DZANK1: variants seen among roughly 807,000 people sequenced by gnomAD.
The protein encoded by DZANK1 is double zinc ribbon and ankyrin repeat-containing protein 1.
In DZANK1, 91 loss-of-function variants were observed where a neutral mutation model predicts 94.5. The ratio of observed to expected loss-of-function variants is 0.96; its 90% CI spans 0.81 to 1.15. The LOEUF (loss-of-function observed/expected upper bound fraction) is 1.15, where lower values mean the gene tolerates loss of function less well. DZANK1 is among the 50% of genes most tolerant of loss of function. DZANK1 has a pLI of 0.00. For synonymous variants in DZANK1, 312 were observed against 325.3 expected (o/e 0.96, Z 0.44); for missense variants, 903 against 916.4 (o/e 0.99, Z 0.19).
In DZANK1 at chr20:18,398,622, G is replaced by T; in HGVS notation, c.1437C>A (p.Tyr479Ter). 6.2e-7 allele frequency: 1 copy of T among 1,613,860 alleles called. No homozygotes were observed. Among genetic ancestry groups the T allele is most frequent in the Non-Finnish European group, 8.5e-7 (1 of 1,179,786 alleles). The stretch of plus-strand genomic sequence containing the variant: ...AGATGTGATCCAGCTGTCTTCTCCA[G>T]TACCCTAAGAAAGAAGAGAAACCCC... The change falls in exon 14 of 21, where the codon TAC becomes TAA. Residue 479 changes from tyrosine to a stop codon, truncating the protein, a stop_gained. Coordinates refer to ENST00000262547, the Ensembl canonical transcript of DZANK1. LOFTEE classifies it high-confidence loss of function.
At chr20:18,465,847 G>C (rs537599136) in intron 1 of DZANK1, among the ~76,000 whole-genome samples, 1 of 152,172 alleles carries the variant, frequency 6.6e-6, no homozygotes, top group Non-Finnish European at 1.5e-5. Flanking sequence ...GGAAAGCTCC[G>C]GGTTCACAGC....
At chr20:18,387,768 A>G (rs2048595254) in intron 19 of DZANK1, among the ~76,000 whole-genome samples, 1 of 152,248 alleles carries the variant, frequency 6.6e-6, no homozygotes, top group Non-Finnish European at 1.5e-5. Flanking sequence ...ACATGGAACT[A>G]GGAAATTAGG....
intron 17 of DZANK1, among the ~76,000 whole-genome samples, chr20:18,391,951 G>A (rs1236731571): frequency 1.3e-5 from 2 of 152,248 alleles, no homozygotes; most frequent in East Asian, 1.9e-4. Flanking sequence ...TCATGGAAAT[G>A]TGTACTAGAA....
intron 13 of DZANK1, among the ~76,000 whole-genome samples, chr20:18,409,528 A>G (rs979266785): frequency 6.7e-6 from 1 of 149,760 alleles, no homozygotes; most frequent in Non-Finnish European, 1.5e-5. Flanking sequence ...CTGAAAGCAC[A>G]TGACCCTAGA....
rs535945053 is a variant in DZANK1 at position 18,441,082 on chromosome 20, A to G, written c.747+2265T>C. Among the ~76,000 whole-genome samples, 1 of 152,170 alleles carries G rather than the reference A, an allele frequency of 6.6e-6. No homozygotes were observed. Among genetic ancestry groups the G allele is most frequent in the Non-Finnish European group, 1.5e-5 (1 of 68,026 alleles). ...TCGTTTTCTTTCTGTGAATGCTCCC[A>G]TGGACTCAGGAGAATACATCCTCCA... On this transcript the variant is annotated intron_variant, in intron 8 of 20. Coordinates refer to ENST00000262547, the Ensembl canonical transcript of DZANK1. The surrounding 1 kb of genome is among the most constrained non-coding windows in gnomAD (Gnocchi z 4.1).
Position 18,384,579 on chromosome 20 carries a change from G to C in DZANK1, c.2094-15C>G. On this transcript the variant is annotated splice_polypyrimidine_tract_variant and intron_variant, in intron 20 of 20. Coordinates refer to ENST00000262547, the Ensembl canonical transcript of DZANK1. ...TTGCATTGCATCTGCAAAGGAAATG[G>C]AGAAACGGAGGTGCACTGAAGGACT... 1 of 1,583,788 alleles carries C rather than the reference G, an allele frequency of 6.3e-7. No individual in the cohort carries two copies. Among genetic ancestry groups the C allele is most frequent in the East Asian group, 2.3e-5 (1 of 44,250 alleles).
chr20:18,466,421 T>A (rs1456010077), intron 1 of DZANK1, among the ~76,000 whole-genome samples: 1 of 152,180 alleles, frequency 6.6e-6, no homozygotes, highest in Non-Finnish European at 1.5e-5. Flanking sequence ...AAAAATGGGG[T>A]ACCTAAATTT....
At chr20:18,398,364 T>G in intron 14 of DZANK1, 159 bp downstream of exon 14, 2 of 633,498 alleles carry the variant, frequency 3.2e-6, no homozygotes, top group Non-Finnish European at 5.6e-6. Flanking sequence ...AGTGATTTAT[T>G]AGAGCAGAGC....
exon 4 of DZANK1, chr20:18,455,292 A>G (rs2059247143): frequency 1.2e-6 from 2 of 1,609,626 alleles, no homozygotes; most frequent in South Asian, 2.2e-5. Flanking sequence ...TGTCTTCAGG[A>G]GAGACTATAT....
At chr20:18,401,327 AG>A (rs2056667032) in intron 13 of DZANK1, among the ~76,000 whole-genome samples, 1 of 152,216 alleles carries the variant, frequency 6.6e-6, no homozygotes, top group South Asian at 2.1e-4. Flanking sequence ...GGTCATTGTA[AG>A]ACTGTGAGTC....
At chr20:18,428,462 C>T (rs1448889700) in intron 9 of DZANK1, among the ~76,000 whole-genome samples, 1 of 152,130 alleles carries the variant, frequency 6.6e-6, no homozygotes, top group African/African-American at 2.4e-5. Context: ...GCTGGGATTA[C>T]AGGCGTGAGC....
chr20:18,455,271 A>G (rs778438409), exon 4 of DZANK1: 1 of 1,605,982 alleles, frequency 6.2e-7, no homozygotes. Context: ...CTTTGAGAAC[A>G]TTTTCAACAT....
intron 4 of DZANK1, chr20:18,454,068 G>T: frequency 1.7e-6 from 1 of 590,648 alleles, no homozygotes; most frequent in Non-Finnish European, 3.2e-6. Context: ...AAGGCAGGAG[G>T]CAGGGAGCAG....
At position 18,393,798 on chromosome 20, in the gene DZANK1, G is replaced by A. The variant is rs936439833; in HGVS notation, c.1722C>T (p.Ser574=). 3 of 1,610,794 alleles carry A rather than the reference G, an allele frequency of 1.9e-6. No homozygotes were observed. The African/African-American group carries it at 4.0e-5, about 22-fold the overall frequency. ...TTTCAATAGTATCTGAGGTACTCTG[G>A]CTGTAGTCACTCACTGAAATGACAC... The change falls in exon 17 of 21, where the codon AGC becomes AGT. Residue 574 remains serine, a synonymous_variant. Coordinates refer to ENST00000262547, the Ensembl canonical transcript of DZANK1.
At chr20:18,460,658 C>T (rs937179524) in intron 2 of DZANK1, among the ~76,000 whole-genome samples, 17 of 151,606 alleles carry the variant, frequency 1.1e-4, no homozygotes, top group African/African-American at 3.6e-4. Flanking sequence ...GAAACCGGGA[C>T]GCAGAACTTG....
chr20:18,452,584 G>A (rs2059141442), intron 6 of DZANK1, 31 bp downstream of exon 6: 1 of 1,570,008 alleles, frequency 6.4e-7, no homozygotes, highest in East Asian at 2.3e-5. Flanking sequence ...GGAGGTATTT[G>A]AATACCCTAA....
chr20:18,459,352 T>C (rs2059396163), intron 3 of DZANK1, among the ~76,000 whole-genome samples: 1 of 152,194 alleles, frequency 6.6e-6, no homozygotes, highest in Non-Finnish European at 1.5e-5. Context: ...AAGGCAATCA[T>C]GTTTGCTGTG....
At chr20:18,394,522 G>A (rs987883190) in intron 15 of DZANK1, 172 bp from the exon 16 acceptor site, 1 of 728,854 alleles carries the variant, frequency 1.4e-6, no homozygotes, top group Non-Finnish European at 2.4e-6. Flanking sequence ...TCCCCAGCAT[G>A]CTTTGTCCGT....
intron 14 of DZANK1, chr20:18,398,261 T>G (rs2056465250): frequency 2.2e-6 from 1 of 448,786 alleles, no homozygotes; most frequent in Non-Finnish European, 4.1e-6. Context: ...CTGTTAGAAT[T>G]TCCAATGTGA....
Sources: allele counts gnomAD v4.1 joint callset (sites outside exome capture counted in the v4.1 genomes callset), GRCh38; gene constraint gnomAD v4.1.1; non-coding constraint Gnocchi (gnomAD v3.1); transcripts MANE v1.5; gene names NCBI Gene and HGNC (gene_info 2026-07-23, HGNC 2026-07-21).